The following CSMD3 variants were observed in gnomAD, a reference collection of about 807,000 sequenced individuals.
The protein encoded by CSMD3 is CUB and sushi domain-containing protein 3.
In CSMD3, 177 loss-of-function variants were observed where a neutral mutation model predicts 435.2. That is an observed-to-expected ratio of 0.41 (90% CI 0.36 to 0.46). CSMD3 has a LOEUF of 0.46. Among genes scored for constraint, CSMD3 ranks in the 20% least tolerant of loss-of-function variants. CSMD3 has a pLI of 0.34. For missense variants in CSMD3, 4,265 were observed against 4,504.6 expected (o/e 0.95, Z 1.52); for synonymous variants, 1,656 against 1,520.5 (o/e 1.09, Z -2.07).
chr8:113,356,675 T>C (rs1347676798), intron 1 of CSMD3, among the ~76,000 whole-genome samples: 1 of 152,116 alleles, frequency 6.6e-6, no homozygotes, highest in Non-Finnish European at 1.5e-5. Context: ...GCATAGTCAA[T>C]GTAAATATTT....
chr8:112,468,635 TC>T (rs1169846391), intron 32 of CSMD3, among the ~76,000 whole-genome samples: 1 of 152,132 alleles, frequency 6.6e-6, no homozygotes, highest in Non-Finnish European at 1.5e-5. Flanking sequence ...AAATTGGTCT[TC>T]CATGTTTCTG....
rs2131055035 is a variant in CSMD3 at position 112,351,243 on chromosome 8, C to A, written c.6257G>T (p.Gly2086Val). ...TGGCATACATGTAATGTGAGAGTGA[C>A]CCTACATAAACAAAATGATGTGGTT... ...FQCDQGYSLQGHSHITCMPGP... is the reference protein window; with the variant it reads ...FQCDQGYSLQVHSHITCMPGP... Residue 2086 changes from glycine to valine, a missense_variant and splice_region_variant, in exon 40 of 71, where the codon GGT becomes GTT. Gly to Val is a moderately radical substitution (Grantham distance 109). This residue lies in a region of CSMD3 where 3,255 missense variants were observed against 3,380.2 expected (regional missense o/e 0.96). Coordinates refer to ENST00000297405, the MANE Select transcript of CSMD3 (RefSeq NM_198123.2). 1 of 1,603,142 alleles carries A rather than the reference C, an allele frequency of 6.2e-7. No homozygotes were observed. The highest frequency in any genetic ancestry group is 2.2e-5 in the East Asian group (1 of 44,612).
intron 32 of CSMD3, among the ~76,000 whole-genome samples, chr8:112,411,833 T>C (rs981058447): frequency 1.3e-5 from 2 of 152,102 alleles, no homozygotes; most frequent in African/African-American, 4.8e-5. Context: ...GGTATTTGCC[T>C]GGTTGAAAGT....
Position 112,506,737 on chromosome 8 carries a change from T to G in CSMD3, c.4849A>C (p.Thr1617Pro). The change falls in exon 29 of 71, where the codon ACT becomes CCT. Residue 1617 changes from threonine to proline, a missense_variant. Physicochemically the swap from Thr to Pro is conservative, Grantham distance 38. Coordinates refer to ENST00000297405, the MANE Select transcript of CSMD3 (RefSeq NM_198123.2). ...PYPHSRDCDW[T>P]ITVNADYVIS... ...ACATAGTCTGCATTGACGGTGATAG[T>G]CCAGTCACAGTCTCTGCTATGCGGA... is the stretch of plus-strand genomic sequence containing the variant. 1 of 1,613,058 alleles carries G rather than the reference T, an allele frequency of 6.2e-7. No individual in the cohort carries two copies. Among genetic ancestry groups the G allele is most frequent in the Non-Finnish European group, 8.5e-7 (1 of 1,179,052 alleles).
intron 4 of CSMD3, among the ~76,000 whole-genome samples, chr8:113,166,651 T>C (rs1254458047): frequency 6.6e-6 from 1 of 152,088 alleles, no homozygotes; most frequent in Non-Finnish European, 1.5e-5. Flanking sequence ...AAACGATGTC[T>C]AATACTTGCT....
chr8:112,671,224 G>A (rs1437325278), intron 16 of CSMD3, among the ~76,000 whole-genome samples: 1 of 151,988 alleles, frequency 6.6e-6, no homozygotes, highest in Non-Finnish European at 1.5e-5. Context: ...CTTTCCTAGA[G>A]CATTTAGTTT....
chr8:113,328,735 CT>C (rs71281211), intron 1 of CSMD3, among the ~76,000 whole-genome samples: 104 of 57,184 alleles, frequency 1.8e-3, no homozygotes, highest in African/African-American at 3.9e-3. Context: ...TCCTTCTTTT[CT>C]TTTTTTTTTT....
chr8:112,975,695 T>A, intron 7 of CSMD3, 142 bp downstream of exon 7: 1 of 1,223,236 alleles, frequency 8.2e-7, no homozygotes, highest in Admixed American at 2.1e-5. Flanking sequence ...GTTGTTACTA[T>A]CCATATTTTT....
chr8:113,204,862 T>C (rs2092753825), intron 3 of CSMD3, among the ~76,000 whole-genome samples: 2 of 152,118 alleles, frequency 1.3e-5, no homozygotes, highest in Non-Finnish European at 2.9e-5. Context: ...AGACGTTTAA[T>C]TGGACTTACA....
In CSMD3 at chr8:113,026,721, A is replaced by G. The variant is rs373598408; in HGVS notation, c.918-7542T>C. On this transcript the variant is annotated intron_variant, in intron 5 of 70. Coordinates refer to ENST00000297405, the MANE Select transcript of CSMD3 (RefSeq NM_198123.2). ...TTTATACTCTTTATAAGTTAGGTCA[A>G]TATTTCAATTTATATTATTATTAAA... is the stretch of plus-strand genomic sequence containing the variant. 7.2e-5 allele frequency among the ~76,000 whole-genome samples: 11 copies of G among 152,146 alleles called. No individual in the cohort carries two copies. In the East Asian group the frequency reaches 1.7e-3, roughly 24 times the overall value.
At chr8:112,967,907 GA>G (rs1393565131) in intron 7 of CSMD3, among the ~76,000 whole-genome samples, 2 of 151,516 alleles carry the variant, frequency 1.3e-5, no homozygotes, top group East Asian at 1.9e-4. Context: ...GAAAAACAAA[GA>G]AAAAATGAAA....
intron 13 of CSMD3, among the ~76,000 whole-genome samples, chr8:112,748,008 T>G (rs1441596353): frequency 1.4e-5 from 2 of 147,714 alleles, no homozygotes; most frequent in East Asian, 4.0e-4. Flanking sequence ...CCATATTAGA[T>G]GCATGGGTCA....
chr8:112,347,795 T>C (rs1054570086), intron 40 of CSMD3, among the ~76,000 whole-genome samples: 2 of 152,230 alleles, frequency 1.3e-5, no homozygotes. Context: ...GTAAAAACAA[T>C]AGTTTGCTCA....
intron 4 of CSMD3, among the ~76,000 whole-genome samples, chr8:113,111,384 T>C (rs2090634906): frequency 6.6e-6 from 1 of 152,146 alleles, no homozygotes; most frequent in South Asian, 2.1e-4. Context: ...ATGACTTATT[T>C]TGAAATATAC....
rs1384792590 is a variant in CSMD3 at position 112,697,055 on chromosome 8, A to T, written c.1973-7005T>A. On this transcript the variant is annotated intron_variant, in intron 13 of 70. Transcript: ENST00000297405. ...CCATCTCACACCAGTTAGAATGGTG[A>T]TCATTAAAAAGTCAGGAAACAACAG... Among the ~76,000 whole-genome samples the T allele has an allele frequency of 2.1e-4, 32 of 150,132 alleles. 2 individuals are homozygous for T. The South Asian group carries it at 2.3e-3, about 11-fold the overall frequency.
intron 32 of CSMD3, among the ~76,000 whole-genome samples, chr8:112,444,152 G>A (rs1053755512): frequency 6.6e-5 from 10 of 152,180 alleles, no homozygotes; most frequent in African/African-American, 2.4e-4. Context: ...TCAAAATGAA[G>A]TGTAAGGACA....
intron 3 of CSMD3, among the ~76,000 whole-genome samples, chr8:113,213,356 T>G (rs1181590874): frequency 6.6e-6 from 1 of 152,144 alleles, no homozygotes; most frequent in Non-Finnish European, 1.5e-5. Flanking sequence ...GTACCTTTAC[T>G]GGCAGAAAAT....
At chr8:113,198,191 T>G (rs1251757011) in intron 3 of CSMD3, among the ~76,000 whole-genome samples, 1 of 151,444 alleles carries the variant, frequency 6.6e-6, no homozygotes, top group Admixed American at 6.6e-5. Context: ...TTGGCTGACC[T>G]TCAGCAAGAT....
At chr8:112,800,103 T>C (rs986716891) in intron 13 of CSMD3, 59 bp downstream of exon 13, 10 of 1,161,854 alleles carry the variant, frequency 8.6e-6, no homozygotes, top group Non-Finnish European at 1.3e-5. Context: ...AAACGTGAAT[T>C]TAAAAATATT....
Sources: allele counts gnomAD v4.1 joint callset (sites outside exome capture counted in the v4.1 genomes callset), GRCh38; gene constraint gnomAD v4.1.1; regional missense constraint gnomAD v4.1.1; transcripts MANE v1.5; gene names NCBI Gene and HGNC (gene_info 2026-07-23, HGNC 2026-07-21).